The following CYP4Z1 variants were observed in gnomAD, a reference collection of about 807,000 sequenced individuals.
CYP4Z1 encodes the protein cytochrome P450 family 4 subfamily Z member 1.
CYP4Z1 carries 41 observed loss-of-function variants against 54.2 expected under a neutral mutation model. The observed-to-expected ratio is 0.76, with a 90% CI of 0.59 to 0.98. The LOEUF (loss-of-function observed/expected upper bound fraction) is 0.98. Among genes scored for constraint, CYP4Z1 ranks in the 50% least tolerant of loss-of-function variants. The pLI is 0.00. For missense variants in CYP4Z1, 513 were observed against 599.0 expected, an observed-to-expected ratio of 0.86 and a Z score of 1.50; for synonymous variants, 163 against 206.2, an observed-to-expected ratio of 0.79 and a Z score of 1.79.
chr1:47,066,017 G>A (rs1418091103), upstream of CYP4Z1, among the ~76,000 whole-genome samples: 2 of 151,932 alleles, frequency 1.3e-5, no homozygotes. Context: ...ATAACAAGCA[G>A]TGAGATTGAA....
intron 6 of CYP4Z1, among the ~76,000 whole-genome samples, chr1:47,085,735 G>A (rs1160623278): frequency 6.6e-6 from 1 of 150,444 alleles, no homozygotes; most frequent in Non-Finnish European, 1.5e-5. Flanking sequence ...GGATACATGT[G>A]CACAACGTGC....
At chr1:47,066,774 T>C (rs1371518848), upstream of CYP4Z1, among the ~76,000 whole-genome samples, 1 of 151,596 alleles carries the variant, frequency 6.6e-6, no homozygotes, top group Non-Finnish European at 1.5e-5. Context: ...TAAAGACTCA[T>C]CCAAAAAGCT....
chr1:47,084,771 T>C, intron 5 of CYP4Z1, 27 bp downstream of exon 5: 1 of 1,613,220 alleles, frequency 6.2e-7, no homozygotes, highest in Non-Finnish European at 8.5e-7. Context: ...AGGTAATTGT[T>C]TGCCAATAAC....
chr1:47,057,543 C>A, the CYP4Z1 span, among the ~76,000 whole-genome samples: 1 of 140,010 alleles, frequency 7.1e-6, no homozygotes, highest in Non-Finnish European at 1.5e-5. Flanking sequence ...AATTATATGC[C>A]TTTAAAGTCA....
chr1:47,087,701 G>T (rs1195823371), intron 6 of CYP4Z1, among the ~76,000 whole-genome samples: 2 of 152,154 alleles, frequency 1.3e-5, no homozygotes, highest in Non-Finnish European at 2.9e-5. Context: ...TCTCTTGCCT[G>T]ATTGCCCTGG....
chr1:47,103,620 G>GTTT (rs1644736746), intron 8 of CYP4Z1, among the ~76,000 whole-genome samples: 1 of 120,946 alleles, frequency 8.3e-6, no homozygotes, highest in Admixed American at 8.7e-5. Context: ...TTTAGACAGA[G>GTTT]TTTTGCTCTT....
chr1:47,061,614 C>A, the CYP4Z1 span, among the ~76,000 whole-genome samples: 38 of 152,160 alleles, frequency 2.5e-4, no homozygotes, highest in Non-Finnish European at 4.0e-4. Flanking sequence ...CAAAGAAGAA[C>A]TGGTAGCATT....
chr1:47,085,711 T>C (rs1387248011), intron 6 of CYP4Z1, among the ~76,000 whole-genome samples: 9 of 152,132 alleles, frequency 5.9e-5, no homozygotes, highest in Admixed American at 1.3e-4. Context: ...TTTATTATTA[T>C]ACTTTAAGTT....
chr1:47,094,437 A>G (rs1386095963), intron 6 of CYP4Z1, 129 bp from the exon 7 acceptor site: 13 of 616,278 alleles, frequency 2.1e-5, no homozygotes, highest in African/African-American at 3.8e-5. Flanking sequence ...TCCCTTACCA[A>G]CTCAGGAACA....
chr1:47,090,314 G>T (rs988379759), intron 6 of CYP4Z1, among the ~76,000 whole-genome samples: 2 of 152,100 alleles, frequency 1.3e-5, no homozygotes, highest in African/African-American at 4.8e-5. Context: ...CTGTTATAAG[G>T]ATAATAATTA....
upstream of CYP4Z1, among the ~76,000 whole-genome samples, chr1:47,066,702 G>C (rs1331399661): frequency 6.6e-6 from 1 of 152,016 alleles, no homozygotes; most frequent in African/African-American, 2.4e-5. Flanking sequence ...CATTCAAATT[G>C]GTAAAAAGGA....
chr1:47,114,033 T>C (rs1644812117), intron 9 of CYP4Z1, among the ~76,000 whole-genome samples: 1 of 152,144 alleles, frequency 6.6e-6, no homozygotes, highest in African/African-American at 2.4e-5. Flanking sequence ...TCATGCTACC[T>C]GACTTCAAAC....
In CYP4Z1 at chr1:47,118,237, C is replaced by G. The variant is rs1644845379; in HGVS notation, c.*303C>G. The G allele has an allele frequency of 4.0e-6, 1 of 248,092 alleles. No individual in the cohort carries two copies. The highest frequency in any genetic ancestry group is 7.9e-6 in the Non-Finnish European group (1 of 127,164). The allele number at this position is 248,092 out of a possible 1,614,324, so 15.4% of individuals were successfully genotyped here. On this transcript the variant is annotated 3_prime_UTR_variant, in exon 12 of 12. Coordinates refer to ENST00000334194, the MANE Select transcript of CYP4Z1 (RefSeq NM_178134.3). Reference sequence around the variant, plus strand: ...GTTTGATCAAAACTCCACTCAGTATCTGCATTACTTTTATCTCTGCAAATA... The same window carrying G: ...GTTTGATCAAAACTCCACTCAGTATGTGCATTACTTTTATCTCTGCAAATA...
intron 11 of CYP4Z1, among the ~76,000 whole-genome samples, chr1:47,117,473 G>A (rs919274194): frequency 6.6e-6 from 1 of 152,082 alleles, no homozygotes; most frequent in Non-Finnish European, 1.5e-5. Flanking sequence ...GATCTTGGCT[G>A]GGTGCGGTGG....
rs1306554660 is a variant in CYP4Z1 at position 47,116,730 on chromosome 1, A to G, written c.1347A>G (p.Leu449=). 1 of 1,605,748 alleles carries G rather than the reference A, an allele frequency of 6.2e-7. No homozygotes were observed. The highest frequency in any genetic ancestry group is 1.3e-5 in the African/African-American group (1 of 74,766). Residue 449 remains leucine, a splice_region_variant and synonymous_variant, in exon 11 of 12, where the codon TTA becomes TTG. Coordinates refer to ENST00000334194, the MANE Select transcript of CYP4Z1 (RefSeq NM_178134.3). ...CCTTCATACCATTCTCAGCTGGATT[A>G]AGGTAAAGACTCAAGCTGGTGAACT... ...PYAFIPFSAG[L]RNCIGQHFAI...
At chr1:47,103,233 G>A (rs185727993) in intron 8 of CYP4Z1, among the ~76,000 whole-genome samples, 1 of 151,856 alleles carries the variant, frequency 6.6e-6, no homozygotes, top group Non-Finnish European at 1.5e-5. Flanking sequence ...AGGCTGGAGT[G>A]TAGTGGCATG....
chr1:47,063,714 TAAAC>T (rs1010959949), upstream of CYP4Z1, among the ~76,000 whole-genome samples: 2 of 151,966 alleles, frequency 1.3e-5, no homozygotes, highest in African/African-American at 2.4e-5. Context: ...TTTTTAAAAA[TAAAC>T]AAAGCCTCCA....
intron 4 of CYP4Z1, among the ~76,000 whole-genome samples, chr1:47,084,077 A>G (rs946950169): frequency 1.3e-5 from 2 of 152,186 alleles, no homozygotes; most frequent in Non-Finnish European, 2.9e-5. Flanking sequence ...ATTGGCAGGT[A>G]TGTCCAAGGG....
chr1:47,084,825 A>G lies in CYP4Z1; in HGVS notation c.619A>G (p.Thr207Ala), dbSNP rs764245113. 2 of 1,529,382 alleles carry G rather than the reference A, an allele frequency of 1.3e-6. No individual in the cohort carries two copies. Among genetic ancestry groups the G allele is most frequent in the South Asian group, 2.7e-5 (2 of 75,236 alleles). 94.7% of individuals were successfully genotyped at this position (1,529,382 alleles called of 1,614,324 possible). A position where few individuals can be genotyped will look rare whatever the true frequency, so the allele number is the denominator to read the frequency against. Residue 207 changes from threonine (T) to alanine (A), a missense_variant and splice_region_variant, in exon 6 of 12, where the codon ACC becomes GCC. By Grantham distance (58) the Thr-to-Ala change is moderately conservative. Coordinates refer to ENST00000334194, the MANE Select transcript of CYP4Z1 (RefSeq NM_178134.3). ...GTTGTTCCATCTTCCCTATTCCAGT[A>G]CCCTGGACTCATACCTGAAAGCAGT... Reference protein sequence around the residue: ...SHQGSIQLDSTLDSYLKAVFN... With the variant: ...SHQGSIQLDSALDSYLKAVFN...
Sources: gnomAD v4.1 joint callset for allele counts (sites outside exome capture counted in the v4.1 genomes callset) on GRCh38, gnomAD v4.1.1 for gene constraint, MANE v1.5 for transcripts, NCBI Gene and HGNC (gene_info 2026-07-23, HGNC 2026-07-21) for gene names.